CORO7: variants seen among roughly 807,000 people sequenced by gnomAD.
CORO7 encodes the protein coronin-7.
A neutral mutation model predicts 126.6 loss-of-function variants in CORO7; 107 were observed. The ratio of observed to expected loss-of-function variants is 0.85; its 90% CI spans 0.72 to 0.99. The LOEUF (loss-of-function observed/expected upper bound fraction) is 0.99, where lower values mean the gene tolerates loss of function less well. Among genes scored for constraint, CORO7 ranks in the 50% least tolerant of loss-of-function variants. CORO7 has a pLI of 0.00. For missense variants in CORO7, 1,314 were observed against 1,255.8 expected (o/e 1.05, Z -0.70); for synonymous variants, 603 against 536.8 (o/e 1.12, Z -1.70).
intron 9 of CORO7, chr16:4,382,635 CCTGGCCGCG>C: frequency 6.4e-7 from 1 of 1,562,936 alleles, no homozygotes. Flanking sequence ...CCGCGGTGCT[CCTGGCCGCG>C]CTGGCTGCGG....
At chr16:4,396,507 A>G (rs1038532459) in intron 6 of CORO7, among the ~76,000 whole-genome samples, 1 of 152,210 alleles carries the variant, frequency 6.6e-6, no homozygotes, top group Non-Finnish European at 1.5e-5. Flanking sequence ...ATACCCAACT[A>G]TCATACAGCC....
rs2054038980 is a variant in CORO7, at chr16:4,358,109, G to C, written c.2458-6C>G. ...TCATCCTGGAAGAACTCTTTCTGCAGAGGGAGAAACGGGCTGTCCTGAGAC... is the reference window on the plus strand; with the variant it reads ...TCATCCTGGAAGAACTCTTTCTGCACAGGGAGAAACGGGCTGTCCTGAGAC... On this transcript the variant is annotated splice_region_variant and splice_polypyrimidine_tract_variant and intron_variant, in intron 24 of 27. Coordinates refer to ENST00000251166, the MANE Select transcript of CORO7 (RefSeq NM_024535.5). 1.2e-6 allele frequency: 2 copies of C among 1,610,368 alleles called. No individual in the cohort carries two copies. The highest frequency in any genetic ancestry group is 1.3e-5 in the African/African-American group (1 of 75,020).
At chr16:4,372,549 C>T (rs1175148714) in intron 9 of CORO7, among the ~76,000 whole-genome samples, 2 of 152,164 alleles carry the variant, frequency 1.3e-5, no homozygotes, top group African/African-American at 4.8e-5. Context: ...CCTGTACTGG[C>T]CAGGGCCCTT....
At chr16:4,390,554 G>C (rs967285354) in intron 7 of CORO7, among the ~76,000 whole-genome samples, 3 of 152,126 alleles carry the variant, frequency 2.0e-5, no homozygotes, top group African/African-American at 7.3e-5. Context: ...ACTGGAAGCA[G>C]AGAGACCCGC....
chr16:4,380,284 G>C (rs1035596913), intron 9 of CORO7, among the ~76,000 whole-genome samples: 3 of 152,170 alleles, frequency 2.0e-5, no homozygotes, highest in African/African-American at 7.2e-5. Context: ...GCCACTTCCT[G>C]GCGGCCCGCA....
At chr16:4,355,770 TTTTG>T (rs893525069) in intron 26 of CORO7, among the ~76,000 whole-genome samples, 44 of 149,390 alleles carry the variant, frequency 2.9e-4, no homozygotes, top group African/African-American at 5.9e-4. Context: ...CGCCCGGCCT[TTTTG>T]TTTGTTTGTT....
intron 9 of CORO7, among the ~76,000 whole-genome samples, chr16:4,373,181 C>T (rs2054595276): frequency 6.6e-6 from 1 of 152,134 alleles, no homozygotes; most frequent in Admixed American, 6.5e-5. Context: ...TTACTCTCTT[C>T]TCCCAGGGGA....
chr16:4,388,614 C>T lies in CORO7; in HGVS notation c.633G>A (p.Glu211=), dbSNP rs761276881. The change falls in exon 8 of 28, where the codon GAG becomes GAA. Residue 211 remains glutamate (E), a synonymous_variant. Coordinates refer to ENST00000251166, the MANE Select transcript of CORO7 (RefSeq NM_024535.5). ...PRASQSTQAH[E]NSRDSRLAWM... ...ATGCCAGCCGGCTATCCCTGCTGTT[C>T]TCATGGGCCTGCGTGCTCTGCAGGA... 3 of 1,612,382 alleles carry T rather than the reference C, an allele frequency of 1.9e-6. No homozygotes were observed. In the South Asian group the frequency reaches 3.3e-5, roughly 18 times the overall value.
Position 4,360,557 on chromosome 16 carries a change from A to G in CORO7, c.1918-9T>C. Reference sequence around the variant, plus strand: ...CAGGCCAGGCTGAAGATCTGGGGGCAGGAAGGGATATGAGAGACAGCCTTG... The same window carrying G: ...CAGGCCAGGCTGAAGATCTGGGGGCGGGAAGGGATATGAGAGACAGCCTTG... On this transcript the variant is annotated splice_polypyrimidine_tract_variant and intron_variant, in intron 19 of 27. Transcript: ENST00000251166. The G allele has an allele frequency of 1.9e-6, 3 of 1,588,264 alleles. No homozygotes were observed. Among genetic ancestry groups the G allele is most frequent in the Non-Finnish European group, 2.6e-6 (3 of 1,167,968 alleles).
chr16:4,388,460 G>A lies in CORO7; in HGVS notation c.702+85C>T, dbSNP rs191847071. ...GCCTGGAACTGGCCCTCAGTCCCCC[G>A]CCTCCCATTGGTTTCGTCCCCGCCC... is the stretch of plus-strand genomic sequence containing the variant. On this transcript the variant is annotated intron_variant, in intron 8 of 27. Coordinates refer to ENST00000251166, the MANE Select transcript of CORO7 (RefSeq NM_024535.5). 25 of 1,452,624 alleles carry A rather than the reference G, an allele frequency of 1.7e-5. No homozygotes were observed. The Admixed American group carries it at 1.8e-4, about 10-fold the overall frequency. 90.0% of individuals were successfully genotyped at this position (1,452,624 alleles called of 1,614,324 possible). A position where few individuals can be genotyped will look rare whatever the true frequency, so the allele number is the denominator to read the frequency against.
intron 25 of CORO7, chr16:4,357,577 A>C: frequency 3.0e-6 from 1 of 328,016 alleles, no homozygotes; most frequent in African/African-American, 2.2e-5. Flanking sequence ...GCTGGTCTCA[A>C]ACCCCCGACC....
intron 2 of CORO7, 69 bp from the exon 3 acceptor site, chr16:4,412,499 C>T (rs2141334943): frequency 6.4e-7 from 1 of 1,556,184 alleles, no homozygotes; most frequent in South Asian, 1.1e-5. Context: ...CCCAGGGATC[C>T]CAGAGATGAA....
chr16:4,398,722 C>A (rs1282488236), intron 6 of CORO7, among the ~76,000 whole-genome samples: 3 of 151,690 alleles, frequency 2.0e-5, no homozygotes, highest in African/African-American at 7.3e-5. Flanking sequence ...GTAATCCCAG[C>A]ACTTGGGGAG....
At position 4,359,633 on chromosome 16, in the gene CORO7, T is replaced by C; in HGVS notation, c.2109-12A>G. The C allele has an allele frequency of 6.3e-7, 1 of 1,582,696 alleles. No homozygotes were observed. The highest frequency in any genetic ancestry group is 8.6e-7 in the Non-Finnish European group (1 of 1,162,904). The stretch of plus-strand genomic sequence containing the variant: ...GGCGCTCACTTTGGCTGCAAGGGGG[T>C]TTGGGGGCTGAAGCAGGTGTTTCAG... On this transcript the variant is annotated splice_polypyrimidine_tract_variant and intron_variant, in intron 21 of 27. Transcript: ENST00000251166.
At chr16:4,361,761 C>G (rs1330325960) in intron 16 of CORO7, 1 of 837,436 alleles carries the variant, frequency 1.2e-6, no homozygotes, top group Non-Finnish European at 2.0e-6. Flanking sequence ...AGCTGTGTGA[C>G]CCGGGCAGGT....
intron 7 of CORO7, among the ~76,000 whole-genome samples, chr16:4,390,620 C>T (rs983250363): frequency 1.3e-4 from 20 of 152,178 alleles, no homozygotes; most frequent in Non-Finnish European, 2.4e-4. Flanking sequence ...TGCAGGGTCC[C>T]CCAGGGGCTG....
chr16:4,390,718 G>C (rs2055357189), intron 7 of CORO7, among the ~76,000 whole-genome samples: 2 of 152,214 alleles, frequency 1.3e-5, no homozygotes, highest in African/African-American at 4.8e-5. Flanking sequence ...TAATTCACAT[G>C]TGGGAAGCCT....
rs2141250725 is a variant in CORO7, at chr16:4,382,749, G to A, written c.785+5237C>T. 1.9e-6 allele frequency: 3 copies of A among 1,558,860 alleles called. No individual in the cohort carries two copies. The South Asian group carries it at 3.5e-5, about 18-fold the overall frequency. ...GGCCAGGGGCTGGGCCCCTGGAACT[G>A]GAGGGAGTGAAGGTCCCCTTGGAGC... On this transcript the variant is annotated intron_variant, in intron 9 of 27. Transcript: ENST00000251166.
At chr16:4,369,723 G>T (rs937184005) in intron 9 of CORO7, among the ~76,000 whole-genome samples, 4 of 151,980 alleles carry the variant, frequency 2.6e-5, no homozygotes, top group African/African-American at 9.7e-5. Context: ...CATCCCTCCC[G>T]CTCAGGCCCC....
Sources: gnomAD v4.1 joint callset for allele counts (sites outside exome capture counted in the v4.1 genomes callset) on GRCh38, gnomAD v4.1.1 for gene constraint, MANE v1.5 for transcripts, NCBI Gene and HGNC (gene_info 2026-07-23, HGNC 2026-07-21) for gene names.